The following SLIT3 variants were observed in gnomAD, a reference collection of about 807,000 sequenced individuals.
The protein encoded by SLIT3 is slit homolog 3 protein.
Under a neutral mutation model 184.0 loss-of-function variants are expected in SLIT3, and 68 were observed. That is an observed-to-expected ratio of 0.37 (90% CI 0.30 to 0.45). SLIT3 has a LOEUF of 0.45. SLIT3 is among the 20% of genes least tolerant of loss of function. The pLI is 1.00. For synonymous variants in SLIT3, 831 were observed against 828.6 expected (o/e 1.00, Z -0.05); for missense variants, 1,707 against 2,026.0 (o/e 0.84, Z 3.02).
At chr5:168,856,138 T>C (rs1758855675) in intron 5 of SLIT3, among the ~76,000 whole-genome samples, 2 of 152,064 alleles carry the variant, frequency 1.3e-5, no homozygotes, top group African/African-American at 4.8e-5. Flanking sequence ...AAGAAATAGA[T>C]AAAAGTGATG....
At chr5:168,750,454 G>A (rs1042583397) in intron 18 of SLIT3, among the ~76,000 whole-genome samples, 8 of 152,236 alleles carry the variant, frequency 5.3e-5, no homozygotes, top group African/African-American at 1.9e-4. Flanking sequence ...GGGACAGACA[G>A]CCCTTGAGTG....
chr5:169,022,888 C>T (rs1756657035), intron 4 of SLIT3: 1 of 152,078 alleles, frequency 6.6e-6, no homozygotes, highest in Admixed American at 6.6e-5. Context: ...AGGACACACC[C>T]ACCCCAGCTT....
Position 168,673,372 on chromosome 5 carries a change from A to G in SLIT3, c.3687-41T>C, listed in dbSNP as rs575218073. ...GGGGAGAAAGCCGGAGAGTTCACTA[A>G]GGGCCTTCCATGGCTGGGCCCTGTG... On this transcript the variant is annotated intron_variant, in intron 32 of 35. Transcript: ENST00000519560. 1.4e-5 allele frequency: 22 copies of G among 1,601,992 alleles called. 1 individual carries two copies. The South Asian group carries it at 2.1e-4, about 15-fold the overall frequency.
At chr5:168,709,091 T>G (rs1762465480) in intron 25 of SLIT3, among the ~76,000 whole-genome samples, 1 of 143,800 alleles carries the variant, frequency 7.0e-6, no homozygotes, top group Non-Finnish European at 1.6e-5. Flanking sequence ...TACAGTGTTG[T>G]TTTCTGTTTG....
chr5:168,670,206 G>C (rs1015456574), intron 34 of SLIT3, among the ~76,000 whole-genome samples: 1 of 152,218 alleles, frequency 6.6e-6, no homozygotes, highest in Non-Finnish European at 1.5e-5. Context: ...TGTCCACTGT[G>C]AGCTGTGACC....
At chr5:169,137,035 C>T (rs759214105) in intron 4 of SLIT3, among the ~76,000 whole-genome samples, 1 of 152,080 alleles carries the variant, frequency 6.6e-6, no homozygotes, top group Non-Finnish European at 1.5e-5. Flanking sequence ...TTCTTTGTCT[C>T]TTACCCAGAA....
Position 168,666,664 on chromosome 5 carries a change from G to GACT in SLIT3, c.4359_4361dup (p.Val1454dup). 6.2e-7 allele frequency: 1 copy of GACT among 1,614,152 alleles called. No homozygotes were observed. The highest frequency in any genetic ancestry group is 8.5e-7 in the Non-Finnish European group (1 of 1,180,044). On this transcript the variant is annotated inframe_insertion, in exon 36 of 36. Transcript: ENST00000519560. ...CTTTCTGGCGGCGGATCACCTCTCG[G>GACT]ACTACTTGTCCCAGGCACGGATTCT...
At chr5:169,083,829 C>T (rs1213363136) in intron 4 of SLIT3, among the ~76,000 whole-genome samples, 1 of 152,164 alleles carries the variant, frequency 6.6e-6, no homozygotes, top group Admixed American at 6.5e-5. Context: ...TCCTGTTTGT[C>T]TGGCAATTAA....
In SLIT3 at chr5:168,665,179, T is replaced by C. The variant is rs1760995235; in HGVS notation, c.*1275A>G. 1 of 152,130 alleles carries C rather than the reference T, an allele frequency of 6.6e-6. No individual in the cohort carries two copies. Among genetic ancestry groups the C allele is most frequent in the South Asian group, 2.1e-4 (1 of 4,816 alleles). The allele number at this position is 152,130 out of a possible 1,614,324, so 9.4% of individuals were successfully genotyped here. On this transcript the variant is annotated 3_prime_UTR_variant, in exon 36 of 36. Transcript: ENST00000519560. ...GAGCCTGTGAGGGCCTAAACTTCCT[T>C]CTTAGTGAACCCAGCTCTACTCCCT...
intron 5 of SLIT3, among the ~76,000 whole-genome samples, chr5:168,849,300 G>GC (rs1226605384): frequency 6.6e-6 from 1 of 152,194 alleles, no homozygotes; most frequent in Non-Finnish European, 1.5e-5. Context: ...TAGCCTGAGG[G>GC]CACTGTCCCT....
At position 168,968,622 on chromosome 5, in the gene SLIT3, G is replaced by A. The variant is rs188921902; in HGVS notation, c.414-85286C>T. 1.2e-4 allele frequency among the ~76,000 whole-genome samples: 18 copies of A among 152,300 alleles called. No homozygotes were observed. In the East Asian group the frequency reaches 3.5e-3, roughly 29 times the overall value. The stretch of plus-strand genomic sequence containing the variant: ...ACATAAAACTTAACATGCTCATCCA[G>A]TAGCAATCTGCCTCCCACCTCACCT... On this transcript the variant is annotated intron_variant, in intron 4 of 35. Transcript: ENST00000519560.
At chr5:168,839,654 G>C (rs970032094) in intron 6 of SLIT3, among the ~76,000 whole-genome samples, 1 of 152,194 alleles carries the variant, frequency 6.6e-6, no homozygotes, top group African/African-American at 2.4e-5. Flanking sequence ...GGTTTAAAGA[G>C]AGCTAAGAGC....
intron 4 of SLIT3, among the ~76,000 whole-genome samples, chr5:169,135,962 T>A (rs1047229984): frequency 6.6e-6 from 1 of 152,194 alleles, no homozygotes; most frequent in African/African-American, 2.4e-5. Flanking sequence ...ACATTACAGA[T>A]CACTTCTCTA....
intron 4 of SLIT3, among the ~76,000 whole-genome samples, chr5:169,002,651 C>G (rs1020274516): frequency 2.6e-5 from 4 of 152,118 alleles, no homozygotes; most frequent in Non-Finnish European, 4.4e-5. Context: ...AACAGGGGCT[C>G]TAATGTAGAA....
At chr5:169,026,109 A>G (rs1401437539) in intron 4 of SLIT3, among the ~76,000 whole-genome samples, 1 of 152,148 alleles carries the variant, frequency 6.6e-6, no homozygotes, top group Non-Finnish European at 1.5e-5. Context: ...AATGACTCTT[A>G]AGCTCCTGGG....
chr5:169,085,399 C>A (rs536350118), intron 4 of SLIT3, among the ~76,000 whole-genome samples: 12 of 152,314 alleles, frequency 7.9e-5, no homozygotes, highest in African/African-American at 1.9e-4. Flanking sequence ...AAATGCAAAT[C>A]ATTCCAGCAG....
intron 4 of SLIT3, among the ~76,000 whole-genome samples, chr5:169,050,125 C>T (rs2113056978): frequency 6.6e-6 from 1 of 152,294 alleles, no homozygotes; most frequent in Admixed American, 6.5e-5. Context: ...AGAATAGACA[C>T]ATCCAGCAGG....
intron 4 of SLIT3, among the ~76,000 whole-genome samples, chr5:169,139,533 T>C (rs1761647486): frequency 6.6e-6 from 1 of 152,220 alleles, no homozygotes; most frequent in Non-Finnish European, 1.5e-5. Flanking sequence ...CCAGGCCATC[T>C]GATCCCAGCC....
chr5:169,184,800 GA>G, intron 4 of SLIT3, among the ~76,000 whole-genome samples: 3 of 152,310 alleles, frequency 2.0e-5, no homozygotes, highest in Middle Eastern at 6.8e-3. Flanking sequence ...GAATATGTTA[GA>G]CATGCAGATT....
Sources: allele counts gnomAD v4.1 joint callset (sites outside exome capture counted in the v4.1 genomes callset), GRCh38; gene constraint gnomAD v4.1.1; transcripts MANE v1.5; gene names NCBI Gene and HGNC (gene_info 2026-07-23, HGNC 2026-07-21).